INPPL1: variants seen among roughly 807,000 people sequenced by gnomAD.
The protein encoded by INPPL1 is inositol polyphosphate phosphatase like 1.
INPPL1 carries 91 observed loss-of-function variants against 139.3 expected under a neutral mutation model. That is an observed-to-expected ratio of 0.65 (90% CI 0.55 to 0.78). INPPL1 has a LOEUF of 0.78. Ranked by LOEUF, INPPL1 falls within the 30% of genes least tolerant of loss-of-function variation. The pLI, the probability that INPPL1 is intolerant of heterozygous loss-of-function variation, is 0.00. For synonymous variants in INPPL1, 719 were observed against 686.6 expected, an observed-to-expected ratio of 1.05 and a Z score of -0.74; for missense variants, 1,411 against 1,665.6, an observed-to-expected ratio of 0.85 and a Z score of 2.66.
Position 72,235,271 on chromosome 11 carries a change from C to A in INPPL1, c.2504-25C>A, listed in dbSNP as rs1207022127. On this transcript the variant is annotated intron_variant, in intron 22 of 27. Coordinates refer to ENST00000298229, the MANE Select transcript of INPPL1 (RefSeq NM_001567.4). This position sits in a 1 kb window ranked among gnomAD's most constrained non-coding sequence, Gnocchi z 4.9. ...GGCCCTAGATTAGCTTGGTAATTTG[C>A]TGGTTTGTCCCATCTGCTCCTCAGG... 6.2e-7 allele frequency: 1 copy of A among 1,613,644 alleles called. No homozygotes were observed. The highest frequency in any genetic ancestry group is 1.7e-5 in the Admixed American group (1 of 59,972).
chr11:72,234,533 A>G lies in INPPL1; in HGVS notation c.2333A>G (p.Lys778Arg), dbSNP rs751977668. The change falls in exon 21 of 28, where the codon AAG becomes AGG. Residue 778 changes from lysine to arginine, a missense_variant. Physicochemically the swap from Lys to Arg is conservative, Grantham distance 26. This residue lies in a region of INPPL1 where 363 missense variants were observed against 446.2 expected (regional missense o/e 0.81). Transcript: ENST00000298229. This position sits in a 1 kb window ranked among gnomAD's most constrained non-coding sequence, Gnocchi z 4.2. ...EFYSTCLEEY[K>R]KSFENDAQSS... The stretch of plus-strand genomic sequence containing the variant: ...TCTCCCACCCCCACCCCAGAATACA[A>G]GAAGAGCTTTGAGAATGATGCCCAG... The G allele has an allele frequency of 6.2e-7, 1 of 1,613,380 alleles. No individual in the cohort carries two copies. The highest frequency in any genetic ancestry group is 1.3e-5 in the African/African-American group (1 of 74,996).
chr11:72,237,927 C>A, intron 26 of INPPL1, 115 bp from the exon 27 acceptor site: 1 of 1,443,336 alleles, frequency 6.9e-7, no homozygotes, highest in Non-Finnish European at 9.2e-7. Context: ...AGTTGGGAGA[C>A]ACATGTATCA....
rs751749333 is a variant in INPPL1 at position 72,231,090 on chromosome 11, CTA to C, written c.1400_1401del (p.Tyr467CysfsTer84). 1 of 1,614,072 alleles carries C rather than the reference CTA, an allele frequency of 6.2e-7. No homozygotes were observed. Among genetic ancestry groups the C allele is most frequent in the Non-Finnish European group, 8.5e-7 (1 of 1,179,988 alleles). ...EVTVTIPHDI[Y>X]VFGTQENSVG... is the part of the protein sequence containing the mutation. ...TCACAGTGACCATACCCCATGACAT[CTA>C]TGTCTTTGGGACCCAGGAGAACTCA... On this transcript the variant is annotated frameshift_variant, in exon 12 of 28. Coordinates refer to ENST00000298229, the MANE Select transcript of INPPL1 (RefSeq NM_001567.4). LOFTEE classifies it high-confidence loss of function.
chr11:72,237,313 T>A lies in INPPL1; in HGVS notation c.3069T>A (p.Ala1023=), dbSNP rs1250763709. 3.9e-5 allele frequency: 63 copies of A among 1,613,698 alleles called. No homozygotes were observed. The highest frequency in any genetic ancestry group is 5.3e-5 in the Non-Finnish European group (62 of 1,179,988). ...ACAAAGTGGCCATTACAGTGCCTGC[T>A]CCACAGCTTGGGCACCACCGGCACC... ...TKNKVAITVP[A]PQLGHHRHPR... The change falls in exon 26 of 28, where the codon GCT becomes GCA. Residue 1023 remains alanine (A), a synonymous_variant. Transcript: ENST00000298229.
chr11:72,237,789 C>G lies in INPPL1; in HGVS notation c.3545C>G (p.Ala1182Gly). 1 of 1,603,474 alleles carries G rather than the reference C, an allele frequency of 6.2e-7. No homozygotes were observed. Among genetic ancestry groups the G allele is most frequent in the Non-Finnish European group, 8.5e-7 (1 of 1,175,614 alleles). ...RIRESIQEDL[A>G]EEAPCLQGGR... ...CGGGAGAGCATCCAGGAAGACCTGG[C>G]AGAGGAGGTGTGTGGAGCAGGGTGG... is the stretch of plus-strand genomic sequence containing the variant. Residue 1182 changes from alanine to glycine, a missense_variant, in exon 26 of 28, where the codon GCA becomes GGA. Ala to Gly is a moderately conservative substitution (Grantham distance 60). Transcript: ENST00000298229.
Position 72,224,999 on chromosome 11 carries a change from C to A in INPPL1, c.15C>A (p.Cys5Ter). The part of the protein sequence containing the change: MASA[C>*]GAPGPGGALG... ...CTGCGCGGGCCATGGCCTCGGCCTG[C>A]GGGGCGCCGGGCCCGGGGGGCGCCC... Residue 5 changes from cysteine to a stop codon, truncating the protein, a stop_gained, in exon 1 of 28, where the codon TGC becomes TGA. Transcript: ENST00000298229. LOFTEE classifies it high-confidence loss of function. The A allele has an allele frequency of 8.4e-7, 1 of 1,196,838 alleles. No homozygotes were observed. The highest frequency in any genetic ancestry group is 1.0e-6 in the Non-Finnish European group (1 of 965,900). 74.1% of individuals were successfully genotyped at this position (1,196,838 alleles called of 1,614,324 possible).
Position 72,230,027 on chromosome 11 carries a change from G to A in INPPL1, c.939+8G>A, listed in dbSNP as rs1038360832. ...CCCGTGCAGGCCTTTGAGGTACATG[G>A]CAGTGGGGCCTCACAGGGCCAAGGG... is the stretch of plus-strand genomic sequence containing the variant. On this transcript the variant is annotated splice_region_variant and intron_variant, in intron 8 of 27. Transcript: ENST00000298229. The A allele has an allele frequency of 6.2e-7, 1 of 1,614,184 alleles. No homozygotes were observed. The highest frequency in any genetic ancestry group is 1.3e-5 in the African/African-American group (1 of 75,082).
At chr11:72,226,727 A>G (rs988322941) in intron 1 of INPPL1, among the ~76,000 whole-genome samples, 6 of 152,108 alleles carry the variant, frequency 3.9e-5, no homozygotes, top group Non-Finnish European at 7.4e-5. Flanking sequence ...GAGACTAAGG[A>G]GGGACAGACT....
At chr11:72,227,868 C>T (rs553365756) in intron 1 of INPPL1, 1 of 415,376 alleles carries the variant, frequency 2.4e-6, no homozygotes, top group African/African-American at 2.0e-5. Context: ...GGTACCACAG[C>T]CCAGAGGGGC....
intron 25 of INPPL1, 55 bp downstream of exon 25, chr11:72,236,041 A>C (rs1948981716): frequency 2.1e-6 from 2 of 947,288 alleles, no homozygotes; most frequent in Non-Finnish European, 3.1e-6. Flanking sequence ...TCTATCCATC[A>C]CTATCCCCTG....
chr11:72,228,440 G>C lies in INPPL1; in HGVS notation c.339G>C (p.Leu113=). The change falls in exon 3 of 28, where the codon CTG becomes CTC. Residue 113 remains leucine (L), a synonymous_variant. Transcript: ENST00000298229. The surrounding 1 kb of genome is among the most constrained non-coding windows in gnomAD (Gnocchi z 5.0). ...AQPNQGLVCA[L]LLPVEGEREP... The stretch of plus-strand genomic sequence containing the variant: ...CCAACCAGGGCCTTGTGTGCGCCCT[G>C]CTTCTTCCTGTAGAGGGTGAGCGAG... The C allele has an allele frequency of 6.2e-7, 1 of 1,612,254 alleles. No homozygotes were observed. The highest frequency in any genetic ancestry group is 8.5e-7 in the Non-Finnish European group (1 of 1,180,004).
Position 72,224,913 on chromosome 11 carries a change from C to T in INPPL1, c.-72C>T, listed in dbSNP as rs1948624036. On this transcript the variant is annotated 5_prime_UTR_variant, in exon 1 of 28. Coordinates refer to ENST00000298229, the MANE Select transcript of INPPL1 (RefSeq NM_001567.4). ...CCCGGGCCCCGGGCCCGGCCCCAGCCTCAGCCCTGAGCGTCTCGGGGCGGA... is the reference window on the plus strand; with the variant it reads ...CCCGGGCCCCGGGCCCGGCCCCAGCTTCAGCCCTGAGCGTCTCGGGGCGGA... 1.0e-6 allele frequency: 1 copy of T among 997,534 alleles called. No individual in the cohort carries two copies. Among genetic ancestry groups the T allele is most frequent in the Non-Finnish European group, 1.2e-6 (1 of 829,530 alleles). 61.8% of individuals were successfully genotyped at this position (997,534 alleles called of 1,614,324 possible).
intron 25 of INPPL1, among the ~76,000 whole-genome samples, chr11:72,236,825 C>A (rs887576834): frequency 1.3e-5 from 2 of 152,198 alleles, no homozygotes; most frequent in African/African-American, 4.8e-5. Flanking sequence ...CTTGCCCTGT[C>A]TTCTGGCACC....
At position 72,229,831 on chromosome 11, in the gene INPPL1, A is replaced by G. The variant is rs369528817; in HGVS notation, c.843+79A>G. Reference sequence around the variant, plus strand: ...TAGCACTGATCTCAACCCTCAGTCTACAACTTAACATTGGCCCCAAGGTCA... The same window carrying G: ...TAGCACTGATCTCAACCCTCAGTCTGCAACTTAACATTGGCCCCAAGGTCA... On this transcript the variant is annotated intron_variant, in intron 7 of 27. Transcript: ENST00000298229. 18 of 1,559,812 alleles carry G rather than the reference A, an allele frequency of 1.2e-5. No homozygotes were observed. The East Asian group carries it at 1.8e-4, about 16-fold the overall frequency.
intron 1 of INPPL1, 109 bp downstream of exon 1, chr11:72,225,275 C>T: frequency 8.2e-7 from 1 of 1,220,280 alleles, no homozygotes; most frequent in Non-Finnish European, 1.0e-6. Context: ...GACGCCAGAC[C>T]CGCCTCCACC....
Position 72,235,609 on chromosome 11 carries a change from C to A in INPPL1, c.2660-66C>A. The stretch of plus-strand genomic sequence containing the variant: ...GCATAGCTGGGAAAGGGCTGGCAGG[C>A]CCACTGGGTGTCTGTGGGATCCAGG... On this transcript the variant is annotated intron_variant, in intron 23 of 27. Transcript: ENST00000298229. This position sits in a 1 kb window ranked among gnomAD's most constrained non-coding sequence, Gnocchi z 4.9. The A allele has an allele frequency of 6.3e-7, 1 of 1,593,546 alleles. No individual in the cohort carries two copies. Among genetic ancestry groups the A allele is most frequent in the Non-Finnish European group, 8.6e-7 (1 of 1,164,606 alleles).
Position 72,238,089 on chromosome 11 carries a change from C to A in INPPL1, c.3600C>A (p.Gly1200=). The part of the protein sequence containing the change: ...GGRASGLGEA[G]MSAWLRAIGL... ...GGGCCAGCGGGCTGGGCGAGGCAGG[C>A]ATGAGTGCCTGGCTGCGGGCCATCG... is the stretch of plus-strand genomic sequence containing the variant. The change falls in exon 27 of 28, where the codon GGC becomes GGA. Residue 1200 remains glycine, a synonymous_variant. Coordinates refer to ENST00000298229, the MANE Select transcript of INPPL1 (RefSeq NM_001567.4). 1 of 1,580,076 alleles carries A rather than the reference C, an allele frequency of 6.3e-7. No homozygotes were observed. Among genetic ancestry groups the A allele is most frequent in the South Asian group, 1.2e-5 (1 of 85,710 alleles).
In INPPL1 at chr11:72,228,320, C is replaced by T; in HGVS notation, c.247-28C>T. On this transcript the variant is annotated intron_variant, in intron 2 of 27. Coordinates refer to ENST00000298229, the MANE Select transcript of INPPL1 (RefSeq NM_001567.4). The surrounding 1 kb of genome is among the most constrained non-coding windows in gnomAD (Gnocchi z 5.0). ...AGGGCTTGGGGACCTGCTGGCTGACCCTTCCTCCCACCCTTGCTGGCCCAC... is the reference window on the plus strand; with the variant it reads ...AGGGCTTGGGGACCTGCTGGCTGACTCTTCCTCCCACCCTTGCTGGCCCAC... 2.5e-6 allele frequency: 4 copies of T among 1,613,972 alleles called. No homozygotes were observed. The highest frequency in any genetic ancestry group is 3.4e-6 in the Non-Finnish European group (4 of 1,179,926).
Position 72,228,416 on chromosome 11 carries a change from C to T in INPPL1, c.315C>T (p.Pro105=), listed in dbSNP as rs1046707024. The change falls in exon 3 of 28, where the codon CCC becomes CCT. Residue 105 remains proline, a synonymous_variant. Transcript: ENST00000298229. The surrounding 1 kb of genome is among the most constrained non-coding windows in gnomAD (Gnocchi z 5.0). ...AGCTCATCGGCCTGTACGCCCAGCC[C>T]AACCAGGGCCTTGTGTGCGCCCTGC... is the stretch of plus-strand genomic sequence containing the variant. ...LGELIGLYAQ[P]NQGLVCALLL... is the part of the protein sequence containing the mutation. The T allele has an allele frequency of 6.2e-7, 1 of 1,613,012 alleles. No individual in the cohort carries two copies.
Sources: gnomAD v4.1 joint callset for allele counts (sites outside exome capture counted in the v4.1 genomes callset) on GRCh38, gnomAD v4.1.1 for gene constraint, gnomAD v4.1.1 regional missense constraint, Gnocchi (gnomAD v3.1) non-coding constraint, MANE v1.5 for transcripts, NCBI Gene and HGNC (gene_info 2026-07-23, HGNC 2026-07-21) for gene names.